Variants in SLC26A8 observed in about 807,000 individuals in gnomAD.
SLC26A8 encodes the protein solute carrier family 26 member 8.
SLC26A8 carries 70 observed loss-of-function variants against 105.0 expected under a neutral mutation model. That is an observed-to-expected ratio of 0.67 (90% CI 0.55 to 0.81). The LOEUF (loss-of-function observed/expected upper bound fraction) is 0.81. SLC26A8 is among the 40% of genes least tolerant of loss of function. The pLI, the probability that SLC26A8 is intolerant of heterozygous loss-of-function variation, is 0.00. For synonymous variants in SLC26A8, 415 were observed against 438.3 expected (o/e 0.95, Z 0.66); for missense variants, 998 against 1,181.8 (o/e 0.84, Z 2.28).
intron 5 of SLC26A8, among the ~76,000 whole-genome samples, chr6:35,994,769 GT>G (rs1761302344): frequency 6.6e-6 from 1 of 152,086 alleles, no homozygotes; most frequent in African/African-American, 2.4e-5. Context: ...TAGAGACAGG[GT>G]TTCGCCAAGT....
chr6:35,995,974 CTG>C (rs1199821979), intron 5 of SLC26A8, among the ~76,000 whole-genome samples: 5 of 152,130 alleles, frequency 3.3e-5, no homozygotes, highest in Non-Finnish European at 5.9e-5. Flanking sequence ...TTTTTGGTCT[CTG>C]TTAAAGTACC....
chr6:36,023,411 T>C (rs1762175773), intron 1 of SLC26A8, among the ~76,000 whole-genome samples: 1 of 151,754 alleles, frequency 6.6e-6, no homozygotes, highest in Non-Finnish European at 1.5e-5. Context: ...TAGCCGAGCA[T>C]GATGGCGTGC....
chr6:35,957,433 G>T (rs1403705674), intron 16 of SLC26A8, among the ~76,000 whole-genome samples: 1 of 151,828 alleles, frequency 6.6e-6, no homozygotes, highest in Non-Finnish European at 1.5e-5. Flanking sequence ...TAGCAGAAAA[G>T]AAAAGAAAAG....
chr6:35,978,894 G>C (rs1243773954), intron 8 of SLC26A8, among the ~76,000 whole-genome samples: 1 of 149,278 alleles, frequency 6.7e-6, no homozygotes, highest in East Asian at 2.0e-4. Flanking sequence ...ACCCAGGCTG[G>C]AGTGCAGTGG....
At position 35,944,147 on chromosome 6, in the gene SLC26A8, T is replaced by G; in HGVS notation, c.2666A>C (p.Lys889Thr). Residue 889 changes from lysine to threonine, a missense_variant, in exon 20 of 20, where the codon AAG becomes ACG. By Grantham distance (78) the Lys-to-Thr change is moderately conservative. Coordinates refer to ENST00000490799, the MANE Select transcript of SLC26A8 (RefSeq NM_052961.4). Reference protein sequence around the residue: ...DRELEPEMEPKAETETKTQTE... With the variant: ...DRELEPEMEPTAETETKTQTE... Reference sequence around the variant, plus strand: ...CTGGGTCTTGGTCTCGGTCTCAGCCTTGGGCTCCATTTCAGGCTCCAGCTC... The same window carrying G: ...CTGGGTCTTGGTCTCGGTCTCAGCCGTGGGCTCCATTTCAGGCTCCAGCTC... 1 of 1,614,088 alleles carries G rather than the reference T, an allele frequency of 6.2e-7. No homozygotes were observed. Among genetic ancestry groups the G allele is most frequent in the Non-Finnish European group, 8.5e-7 (1 of 1,180,014 alleles).
At chr6:36,011,638 T>C (rs762652741) in intron 3 of SLC26A8, among the ~76,000 whole-genome samples, 3 of 152,116 alleles carry the variant, frequency 2.0e-5, no homozygotes, top group Non-Finnish European at 4.4e-5. Flanking sequence ...GACAGGGTCT[T>C]GCTTTGTTGC....
chr6:36,003,202 G>C (rs559425661), intron 3 of SLC26A8, among the ~76,000 whole-genome samples: 1 of 152,088 alleles, frequency 6.6e-6, no homozygotes, highest in South Asian at 2.1e-4. Flanking sequence ...TTTACATTTA[G>C]GTCTTTAATC....
intron 5 of SLC26A8, among the ~76,000 whole-genome samples, chr6:35,993,428 C>G (rs754963387): frequency 1.3e-5 from 2 of 151,896 alleles, no homozygotes; most frequent in Non-Finnish European, 1.5e-5. Flanking sequence ...ACAGTGGGAT[C>G]GAGCTCAAAC....
chr6:35,950,532 G>T (rs1315135451), intron 19 of SLC26A8, among the ~76,000 whole-genome samples: 1 of 151,954 alleles, frequency 6.6e-6, no homozygotes, highest in Non-Finnish European at 1.5e-5. Context: ...TGATCTACCT[G>T]CCTCGGCCTC....
At chr6:35,984,881 G>A (rs1052973292) in intron 7 of SLC26A8, among the ~76,000 whole-genome samples, 8 of 152,100 alleles carry the variant, frequency 5.3e-5, no homozygotes, top group African/African-American at 1.4e-4. Flanking sequence ...TCAGACATAC[G>A]TCATTATATC....
At chr6:35,968,297 AC>A (rs1306639561) in intron 11 of SLC26A8, among the ~76,000 whole-genome samples, 1 of 151,564 alleles carries the variant, frequency 6.6e-6, no homozygotes, top group African/African-American at 2.4e-5. Flanking sequence ...GGCATGCACC[AC>A]CATGACCAGC....
chr6:36,021,970 AT>A (rs774280873), intron 1 of SLC26A8, among the ~76,000 whole-genome samples: 40 of 149,328 alleles, frequency 2.7e-4, no homozygotes, highest in Non-Finnish European at 4.1e-4. Flanking sequence ...CGCCCGGCCT[AT>A]TTTTTATTTT....
intron 19 of SLC26A8, among the ~76,000 whole-genome samples, chr6:35,944,583 G>A (rs1771603656): frequency 1.3e-5 from 2 of 150,514 alleles, no homozygotes; most frequent in African/African-American, 4.9e-5. Context: ...TGGGCATGAT[G>A]GCACATGCCT....
chr6:36,006,122 G>A lies in SLC26A8; in HGVS notation c.329-6014C>T, dbSNP rs182565131. ...TGGATTCATTCATTCATATAGCTAT[G>A]AAATCTTTTTTTTTTCCAATGGAGT... On this transcript the variant is annotated intron_variant, in intron 3 of 19. Transcript: ENST00000490799. 6.6e-4 allele frequency among the ~76,000 whole-genome samples: 101 copies of A among 152,108 alleles called. 1 individual carries two copies. In the East Asian group the frequency reaches 0.016, roughly 24 times the overall value.
chr6:36,020,281 C>G (rs1380598216), intron 1 of SLC26A8, among the ~76,000 whole-genome samples: 2 of 152,244 alleles, frequency 1.3e-5, no homozygotes, highest in Non-Finnish European at 2.9e-5. Context: ...TGACTATTCA[C>G]AGTTGCAGCC....
intron 3 of SLC26A8, among the ~76,000 whole-genome samples, chr6:36,005,497 T>G (rs1369743712): frequency 6.6e-6 from 1 of 152,218 alleles, no homozygotes; most frequent in East Asian, 1.9e-4. Flanking sequence ...GATCAGTTAT[T>G]TTGTCAAACA....
chr6:35,971,792 C>T (rs901203568), intron 10 of SLC26A8, among the ~76,000 whole-genome samples: 1 of 152,218 alleles, frequency 6.6e-6, no homozygotes. Flanking sequence ...GCATTCATTT[C>T]TCTCTTTTAC....
chr6:35,976,419 C>T (rs868380793), intron 9 of SLC26A8, among the ~76,000 whole-genome samples: 31 of 149,298 alleles, frequency 2.1e-4, no homozygotes, highest in African/African-American at 7.6e-4. Flanking sequence ...AGCAAAACTC[C>T]GTCTCAAAAA....
intron 5 of SLC26A8, among the ~76,000 whole-genome samples, chr6:35,993,563 A>G (rs1428502614): frequency 6.6e-6 from 1 of 152,146 alleles, no homozygotes; most frequent in Non-Finnish European, 1.5e-5. Context: ...GCATATGTAA[A>G]ATTTATGTTA....
Sources: allele counts gnomAD v4.1 joint callset (sites outside exome capture counted in the v4.1 genomes callset), GRCh38; gene constraint gnomAD v4.1.1; transcripts MANE v1.5; gene names NCBI Gene and HGNC (gene_info 2026-07-23, HGNC 2026-07-21).